Variants in USP14 observed in about 807,000 individuals in gnomAD.
The protein encoded by USP14 is ubiquitin specific peptidase 14, also known as ubiquitin carboxyl-terminal hydrolase 14.
A neutral mutation model predicts 76.5 loss-of-function variants in USP14; 38 were observed. The ratio of observed to expected loss-of-function variants is 0.50; its 90% CI spans 0.38 to 0.65. The LOEUF (loss-of-function observed/expected upper bound fraction) is 0.65. USP14 is among the 30% of genes least tolerant of loss of function. The pLI, the probability that USP14 is intolerant of heterozygous loss-of-function variation, is 0.00. For synonymous variants in USP14, 192 were observed against 191.7 expected (o/e 1.00, Z -0.01); for missense variants, 467 against 586.5 (o/e 0.80, Z 2.10).
chr18:195,749 G>A (rs1335888437), intron 6 of USP14, among the ~76,000 whole-genome samples: 8 of 152,152 alleles, frequency 5.3e-5, no homozygotes, highest in African/African-American at 1.9e-4. Context: ...AGGTAAGTTG[G>A]GAGAGGTGAC....
intron 1 of USP14, chr18:163,010 T>G (rs1051056757): frequency 5.2e-4 from 98 of 188,180 alleles, no homozygotes; most frequent in African/African-American, 2.1e-3. Context: ...ACTCCTGACC[T>G]CATGATCCGC....
At chr18:171,964 G>T (rs1174634071) in intron 3 of USP14, among the ~76,000 whole-genome samples, 1 of 152,192 alleles carries the variant, frequency 6.6e-6, no homozygotes, top group Non-Finnish European at 1.5e-5. Context: ...GAAGTGGCCA[G>T]GCATGGTGGC....
intron 1 of USP14, among the ~76,000 whole-genome samples, chr18:160,089 A>G (rs1003168489): frequency 7.2e-5 from 11 of 152,292 alleles, no homozygotes; most frequent in African/African-American, 2.2e-4. Context: ...GGATCACTTG[A>G]GGTCAGGAGT....
intron 1 of USP14, among the ~76,000 whole-genome samples, chr18:160,108 G>A (rs1378021147): frequency 6.6e-6 from 1 of 152,068 alleles, no homozygotes; most frequent in African/African-American, 2.4e-5. Flanking sequence ...GTTCGAGACC[G>A]CCTGGCCAAC....
In USP14 at chr18:192,826, GCTTT is replaced by G; in HGVS notation, c.405-15_405-12del. On this transcript the variant is annotated splice_polypyrimidine_tract_variant and intron_variant, in intron 5 of 15. Transcript: ENST00000261601. ...GAATTGAATTCTATTGTTTAACTCGGCTTTAATGTTCCTAGGTATGCAGGTGCCT... is the reference window on the plus strand; with the variant it reads ...GAATTGAATTCTATTGTTTAACTCGGAATGTTCCTAGGTATGCAGGTGCCT... The G allele has an allele frequency of 1.2e-6, 2 of 1,612,968 alleles. No individual in the cohort carries two copies. Among genetic ancestry groups the G allele is most frequent in the Non-Finnish European group, 1.7e-6 (2 of 1,179,426 alleles).
Position 214,436 on chromosome 18 carries a change from TTA to T in USP14, c.*3154_*3155del, listed in dbSNP as rs368302030. The stretch of plus-strand genomic sequence containing the variant: ...TCTTGAGGTCACTTCGTTTAGGTCA[TTA>T]TCTCAACCCAACCTCCCCAAACTCT... On this transcript the variant is annotated 3_prime_UTR_variant, in exon 16 of 16. Coordinates refer to ENST00000261601, the MANE Select transcript of USP14 (RefSeq NM_005151.4). 206 of 555,576 alleles carry T rather than the reference TTA, an allele frequency of 3.7e-4. No homozygotes were observed. In the Middle Eastern group the frequency reaches 0.011, roughly 29 times the overall value. The allele number at this position is 555,576 out of a possible 1,614,324, so 34.4% of individuals were successfully genotyped here. A position where few individuals can be genotyped will look rare whatever the true frequency, so the allele number is the denominator to read the frequency against.
chr18:198,374 A>G (rs560212275), intron 9 of USP14, among the ~76,000 whole-genome samples: 8 of 152,306 alleles, frequency 5.3e-5, no homozygotes, highest in Admixed American at 2.0e-4. Flanking sequence ...AGCTGGGATT[A>G]CAGGTGCATG....
chr18:179,151 G>A, intron 4 of USP14, 114 bp downstream of exon 4: 1 of 652,594 alleles, frequency 1.5e-6, no homozygotes, highest in Non-Finnish European at 2.5e-6. Context: ...TTAATACCAA[G>A]ATAGATATTT....
intron 12 of USP14, among the ~76,000 whole-genome samples, chr18:203,522 C>T (rs567844628): frequency 6.6e-6 from 1 of 152,152 alleles, no homozygotes; most frequent in East Asian, 1.9e-4. Flanking sequence ...CCCTAGACCA[C>T]GTCCTCAGCT....
chr18:196,590 T>G (rs554116774), intron 6 of USP14, 47 bp from the exon 7 acceptor site: 81 of 1,569,448 alleles, frequency 5.2e-5, no homozygotes, highest in Middle Eastern at 5.1e-4. Context: ...TCGCGTGTAT[T>G]AAATATGTGA....
intron 4 of USP14, among the ~76,000 whole-genome samples, chr18:179,363 A>G (rs904520423): frequency 5.3e-5 from 8 of 152,134 alleles, no homozygotes; most frequent in Admixed American, 2.6e-4. Context: ...ATAGTACTAT[A>G]TAAGTATTTA....
At chr18:165,600 TTATCCA>T (rs1909248164) in intron 2 of USP14, among the ~76,000 whole-genome samples, 2 of 152,226 alleles carry the variant, frequency 1.3e-5, no homozygotes, top group African/African-American at 2.4e-5. Flanking sequence ...CAGCTGTATG[TTATCCA>T]TATCTTATAT....
chr18:193,252 G>C (rs1274610365), intron 6 of USP14, among the ~76,000 whole-genome samples: 1 of 152,122 alleles, frequency 6.6e-6, no homozygotes, highest in African/African-American at 2.4e-5. Flanking sequence ...GTGAATATTG[G>C]TGTAAAGAAG....
chr18:160,541 C>T (rs369902054), intron 1 of USP14, among the ~76,000 whole-genome samples: 8 of 152,126 alleles, frequency 5.3e-5, no homozygotes, highest in Admixed American at 4.6e-4. Flanking sequence ...AAACACACAC[C>T]TGTGCCTCTT....
chr18:196,735 G>C lies in USP14; in HGVS notation c.562G>C (p.Glu188Gln). The change falls in exon 7 of 16, where the codon GAG (glutamate) becomes CAG (glutamine). Residue 188 changes from glutamate to glutamine, a missense_variant. By Grantham distance (29) the Glu-to-Gln change is conservative. Transcript: ENST00000261601. ...GCACATGGCTTTCCCACAGTTTGCC[G>C]AGAAAGGTGAACAAGGACAGTATCT... ...FLHMAFPQFA[E>Q]KGEQGQYLQQ... 1 of 1,614,002 alleles carries C rather than the reference G, an allele frequency of 6.2e-7. No individual in the cohort carries two copies. Among genetic ancestry groups the C allele is most frequent in the Non-Finnish European group, 8.5e-7 (1 of 1,179,980 alleles).
At position 201,630 on chromosome 18, in the gene USP14, T is replaced by C. The variant is rs192607765; in HGVS notation, c.877-1250T>C. On this transcript the variant is annotated intron_variant, in intron 10 of 15. Transcript: ENST00000261601. ...TTCTTAACCCCCAGGAGCCAAATCATGTAAGGCATGGTGTGCAAGTTTCAG... is the reference window on the plus strand; with the variant it reads ...TTCTTAACCCCCAGGAGCCAAATCACGTAAGGCATGGTGTGCAAGTTTCAG... 1.4e-4 allele frequency among the ~76,000 whole-genome samples: 21 copies of C among 152,302 alleles called. No individual in the cohort carries two copies. In the East Asian group the frequency reaches 2.7e-3, roughly 20 times the overall value.
intron 3 of USP14, among the ~76,000 whole-genome samples, chr18:174,786 T>G (rs1291057107): frequency 6.6e-6 from 1 of 151,916 alleles, no homozygotes; most frequent in Non-Finnish European, 1.5e-5. Flanking sequence ...TTGTTTTTGT[T>G]TTTGAGACAG....
chr18:212,620 T>A lies in USP14; in HGVS notation c.*1336T>A, dbSNP rs1910700812. On this transcript the variant is annotated 3_prime_UTR_variant, in exon 16 of 16. Coordinates refer to ENST00000261601, the MANE Select transcript of USP14 (RefSeq NM_005151.4). ...CTGTCTCAAAAAAAAAAAGAAAAAA[T>A]TCCCAAATCTTAATGTCTGTTTCAG... 6.6e-6 allele frequency: 1 copy of A among 151,674 alleles called. No individual in the cohort carries two copies. Among genetic ancestry groups the A allele is most frequent in the African/African-American group, 2.4e-5 (1 of 41,302 alleles). 9.4% of individuals were successfully genotyped at this position (151,674 alleles called of 1,614,324 possible). A position where few individuals can be genotyped will look rare whatever the true frequency, so the allele number is the denominator to read the frequency against.
rs151228980 is a variant in USP14, at chr18:210,474, A to G, written c.1314A>G (p.Ser438=). The change falls in exon 15 of 16, where the codon TCA becomes TCG. Residue 438 remains serine (S), a synonymous_variant. Transcript: ENST00000261601. ...GRSSSSGHYV[S]WVKRKQDEWI... The stretch of plus-strand genomic sequence containing the variant: ...CTAGTTCTTCAGGTCATTATGTATC[A>G]TGGGTGAAAAGGAAACAAGGTAAAG... The G allele has an allele frequency of 5.5e-5, 88 of 1,608,550 alleles. No homozygotes were observed. The African/African-American group carries it at 7.6e-4, about 14-fold the overall frequency.
Sources: gnomAD v4.1 joint callset for allele counts (sites outside exome capture counted in the v4.1 genomes callset) on GRCh38, gnomAD v4.1.1 for gene constraint, MANE v1.5 for transcripts, NCBI Gene and HGNC (gene_info 2026-07-23, HGNC 2026-07-21) for gene names.